Variants in OXR1 observed in about 807,000 individuals in gnomAD.
OXR1 encodes the protein oxidation resistance 1.
OXR1 carries 41 observed loss-of-function variants against 104.6 expected under a neutral mutation model. That is an observed-to-expected ratio of 0.39 (90% confidence interval 0.31 to 0.51). The LOEUF (loss-of-function observed/expected upper bound fraction) is 0.51. Ranked by LOEUF, OXR1 falls within the 20% of genes least tolerant of loss-of-function variation. OXR1 has a pLI of 0.77. For synonymous variants in OXR1, 348 were observed against 348.4 expected (o/e 1.00, Z 0.01); for missense variants, 955 against 1,031.9 (o/e 0.93, Z 1.02).
chr8:106,340,156 T>C (rs1408213913), intron 1 of OXR1, among the ~76,000 whole-genome samples: 2 of 152,014 alleles, frequency 1.3e-5, no homozygotes, highest in Non-Finnish European at 2.9e-5. Context: ...ACTCCGGTTT[T>C]TGTACTATAG....
intron 11 of OXR1, among the ~76,000 whole-genome samples, chr8:106,730,428 G>A (rs1204088814): frequency 6.6e-6 from 1 of 151,662 alleles, no homozygotes; most frequent in African/African-American, 2.4e-5. Flanking sequence ...GGCACCCACC[G>A]GTCTTTCCAC....
chr8:106,697,841 C>G, intron 7 of OXR1: 1 of 1,612,500 alleles, frequency 6.2e-7, no homozygotes, highest in East Asian at 2.2e-5. Flanking sequence ...ACCGTGCCAT[C>G]CTTGAGCCAG....
At chr8:106,645,045 T>G (rs147830256) in intron 3 of OXR1, among the ~76,000 whole-genome samples, 47 of 152,118 alleles carry the variant, frequency 3.1e-4, no homozygotes, top group African/African-American at 1.1e-3. Context: ...GGCTGCAGTG[T>G]TGGAGATCGA....
At chr8:106,537,143 G>C (rs987214026) in intron 3 of OXR1, among the ~76,000 whole-genome samples, 2 of 151,882 alleles carry the variant, frequency 1.3e-5, no homozygotes, top group Admixed American at 1.3e-4. Flanking sequence ...CCATTCATGA[G>C]GGCTTCACCC....
intron 3 of OXR1, among the ~76,000 whole-genome samples, chr8:106,607,696 A>C (rs1216556716): frequency 6.6e-6 from 1 of 152,254 alleles, no homozygotes; most frequent in African/African-American, 2.4e-5. Flanking sequence ...ACTATTTTTA[A>C]GCAGCCACCA....
chr8:106,551,827 C>CACAT lies in OXR1; in HGVS notation c.220+32689_220+32690insCATA, dbSNP rs751692564. ...ATATATATATATACACACACACACACATATATATATGTGTACATATATGTG... is the reference window on the plus strand; with the variant it reads ...ATATATATATATACACACACACACACACATATATATATATGTGTACATATATGTG... On this transcript the variant is annotated intron_variant, in intron 3 of 16. Coordinates refer to ENST00000517566, the MANE Select transcript of OXR1 (RefSeq NM_001198533.2). Among the ~76,000 whole-genome samples, 180 of 141,738 alleles carry CACAT rather than the reference C, an allele frequency of 1.3e-3. 1 individual carries two copies. Among genetic ancestry groups the CACAT allele is most frequent in the African/African-American group, 4.5e-3 (169 of 37,556 alleles). The allele number at this position is 141,738 out of a possible 152,430, so 93.0% of individuals were successfully genotyped here.
At chr8:106,635,771 G>A (rs898624017) in intron 3 of OXR1, among the ~76,000 whole-genome samples, 1 of 152,226 alleles carries the variant, frequency 6.6e-6, no homozygotes, top group South Asian at 2.1e-4. Context: ...ATAACTATAA[G>A]AAAGAAGTTT....
intron 3 of OXR1, among the ~76,000 whole-genome samples, chr8:106,647,177 G>A (rs532510401): frequency 1.1e-4 from 16 of 152,278 alleles, no homozygotes; most frequent in African/African-American, 3.9e-4. Flanking sequence ...GAGTGAAGGA[G>A]TTAACACCTT....
chr8:106,692,188 T>G (rs1829373655), intron 6 of OXR1, among the ~76,000 whole-genome samples: 1 of 152,064 alleles, frequency 6.6e-6, no homozygotes, highest in Non-Finnish European at 1.5e-5. Flanking sequence ...CCAAAAAAGT[T>G]AAGAAACTTG....
chr8:106,422,849 A>G (rs1818961768), intron 2 of OXR1, among the ~76,000 whole-genome samples: 1 of 152,110 alleles, frequency 6.6e-6, no homozygotes. Context: ...TCACCATTAC[A>G]TTTCACTGCA....
At position 106,519,037 on chromosome 8, in the gene OXR1, C is replaced by A; in HGVS notation, c.118C>A (p.Pro40Thr). 6.4e-7 allele frequency: 1 copy of A among 1,551,924 alleles called. No homozygotes were observed. The highest frequency in any genetic ancestry group is 8.7e-7 in the Non-Finnish European group (1 of 1,146,982). ...GCAAACACCACAAGCCAGTAAGCCCCCGGCACCCAAGACCCCCATCATTGA... is the reference window on the plus strand; with the variant it reads ...GCAAACACCACAAGCCAGTAAGCCCACGGCACCCAAGACCCCCATCATTGA... ...GKQTPQASKP[P>T]APKTPIIEEE... Residue 40 changes from proline (P) to threonine (T), a missense_variant, in exon 3 of 17, where the codon CCG becomes ACG. Pro to Thr is a conservative substitution (Grantham distance 38, BLOSUM62 -1). Around this residue, in one of 2 missense-constraint regions of OXR1, gnomAD observed 849 missense variants for 852.9 expected, o/e 1.00. Coordinates refer to ENST00000517566, the MANE Select transcript of OXR1 (RefSeq NM_001198533.2).
intron 2 of OXR1, chr8:106,448,127 T>TA: frequency 7.0e-7 from 1 of 1,431,718 alleles, no homozygotes. Context: ...CATTATAAAA[T>TA]AGCTCTCTGA....
chr8:106,413,169 T>G (rs919254530), intron 2 of OXR1, among the ~76,000 whole-genome samples: 12 of 152,134 alleles, frequency 7.9e-5, no homozygotes, highest in African/African-American at 2.9e-4. Context: ...ATTCATCATA[T>G]AGGAATCCTG....
At chr8:106,303,191 A>G (rs1464126328) in intron 1 of OXR1, among the ~76,000 whole-genome samples, 1 of 151,282 alleles carries the variant, frequency 6.6e-6, no homozygotes, top group Middle Eastern at 3.2e-3. Context: ...ACATACATAC[A>G]GAATCAACTT....
chr8:106,672,516 AAG>A (rs67500143), intron 3 of OXR1, among the ~76,000 whole-genome samples: 5 of 146,128 alleles, frequency 3.4e-5, no homozygotes, highest in Admixed American at 6.9e-5. Context: ...GAAAGAAAGA[AAG>A]AGAGAGAGAG....
intron 6 of OXR1, among the ~76,000 whole-genome samples, chr8:106,688,396 A>C (rs1369799363): frequency 6.6e-6 from 1 of 152,090 alleles, no homozygotes; most frequent in African/African-American, 2.4e-5. Context: ...AATTGGATAC[A>C]CATGATGATA....
chr8:106,678,955 T>C (rs1407855538), intron 3 of OXR1, among the ~76,000 whole-genome samples: 3 of 152,052 alleles, frequency 2.0e-5, no homozygotes, highest in African/African-American at 7.2e-5. Context: ...ATGACTTCCT[T>C]TCTGTTGACA....
intron 3 of OXR1, among the ~76,000 whole-genome samples, chr8:106,653,537 C>CA (rs1180461778): frequency 6.6e-6 from 1 of 151,784 alleles, no homozygotes; most frequent in Non-Finnish European, 1.5e-5. Context: ...AAGCATTTGA[C>CA]AAAATCTAAC....
intron 2 of OXR1, among the ~76,000 whole-genome samples, chr8:106,467,565 G>A (rs1251183694): frequency 2.6e-5 from 4 of 151,784 alleles, no homozygotes; most frequent in Middle Eastern, 3.2e-3. Context: ...AGAATATTGA[G>A]CTTTAGAAAT....
Sources: allele counts gnomAD v4.1 joint callset (sites outside exome capture counted in the v4.1 genomes callset), GRCh38; gene constraint gnomAD v4.1.1; regional missense constraint gnomAD v4.1.1; transcripts MANE v1.5; gene names NCBI Gene and HGNC (gene_info 2026-07-23, HGNC 2026-07-21).